Variants in GAS2L1 observed in about 807,000 individuals in gnomAD.
GAS2L1 encodes the protein growth arrest specific 2 like 1.
In GAS2L1, 26 loss-of-function variants were observed where a neutral mutation model predicts 44.0. That is an observed-to-expected ratio of 0.59 (90% CI 0.43 to 0.82). GAS2L1 has a LOEUF of 0.82. Among genes scored for constraint, GAS2L1 ranks in the 40% least tolerant of loss-of-function variants. GAS2L1 has a pLI of 0.00. For missense variants in GAS2L1, 1,006 were observed against 983.0 expected (o/e 1.02, Z -0.31); for synonymous variants, 426 against 415.9 (o/e 1.02, Z -0.30).
exon 5 of GAS2L1, chr22:29,312,392 C>T (rs371087415): frequency 3.1e-5 from 49 of 1,585,876 alleles, no homozygotes; most frequent in Non-Finnish European, 3.9e-5. Flanking sequence ...CCTCACGTAT[C>T]CCCACGCCTC....
chr22:29,308,590 A>G (rs1397534554), exon 1 of GAS2L1: 1 of 1,599,544 alleles, frequency 6.3e-7, no homozygotes, highest in Middle Eastern at 1.7e-4. Context: ...CAGTTTGAGC[A>G]GGAGATTGAG....
intron 1 of GAS2L1, among the ~76,000 whole-genome samples, chr22:29,309,621 G>A (rs2147898000): frequency 6.6e-6 from 1 of 152,232 alleles, no homozygotes; most frequent in East Asian, 1.9e-4. Context: ...GCTTGGCAGC[G>A]CTCTGGCTCT....
At chr22:29,306,792 A>T (rs1001630912), upstream of GAS2L1, 1 of 152,242 alleles carries the variant, frequency 6.6e-6, no homozygotes, top group Non-Finnish European at 1.5e-5. Context: ...CCCGGGTACT[A>T]GGCTGGGTGG....
At chr22:29,309,998 C>T (rs1027895258) in intron 1 of GAS2L1, among the ~76,000 whole-genome samples, 6 of 152,060 alleles carry the variant, frequency 3.9e-5, no homozygotes, top group African/African-American at 9.7e-5. Context: ...CGTGGTGGCT[C>T]GCACCTGTAA....
upstream of GAS2L1, chr22:29,307,046 G>GGCGC (rs1569137546): frequency 6.6e-6 from 1 of 151,656 alleles, no homozygotes; most frequent in East Asian, 1.9e-4. Context: ...AGGAGGCCGC[G>GGCGC]GCGCGGGACG....
chr22:29,312,164 C>A, exon 5 of GAS2L1: 1 of 1,613,076 alleles, frequency 6.2e-7, no homozygotes, highest in South Asian at 1.1e-5. Context: ...CGTCCCTCAG[C>A]GTCCTGGGTG....
chr22:29,311,342 G>A, intron 4 of GAS2L1, 120 bp from the exon 6 acceptor site: 1 of 598,642 alleles, frequency 1.7e-6, no homozygotes. Context: ...CCCCAGGACA[G>A]ACCGATGCCC....
At position 29,312,645 on chromosome 22, in the gene GAS2L1, C is replaced by T. The variant is rs2061423737; in HGVS notation, c.*148C>T. 5 of 492,348 alleles carry T rather than the reference C, an allele frequency of 1.0e-5. No homozygotes were observed. In the South Asian group the frequency reaches 2.3e-4, roughly 23 times the overall value. The allele number at this position is 492,348 out of a possible 1,614,324, so 30.5% of individuals were successfully genotyped here. ...GGGACCACATGGCACAATGGGACCT[C>T]TGTTGTACATTCCGGTTGGGGGATG... On this transcript the variant is annotated 3_prime_UTR_variant, in exon 5 of 5. Coordinates refer to ENST00000618518, the Ensembl canonical transcript of GAS2L1.
At chr22:29,311,727 T>G in exon 5 of GAS2L1, 1 of 1,531,778 alleles carries the variant, frequency 6.5e-7, no homozygotes. Context: ...AGCCCAGCTG[T>G]CGGTCCCCAG....
At chr22:29,310,722 T>C in exon 3 of GAS2L1, 2 of 1,609,286 alleles carry the variant, frequency 1.2e-6, no homozygotes, top group Non-Finnish European at 1.7e-6. Flanking sequence ...CCCGTGCCGC[T>C]GCTCCTCCAC....
Position 29,310,762 on chromosome 22 carries a change from G to C in GAS2L1, c.838+28G>C, listed in dbSNP as rs373123433. On this transcript the variant is annotated intron_variant, in intron 3 of 4. Coordinates refer to ENST00000618518, the Ensembl canonical transcript of GAS2L1. ...CAGTGCCAGGGTGGGGCTGGGGCTG[G>C]ACGGGCAGGGGACTTGCTTCTGTGG... The C allele has an allele frequency of 1.7e-5, 27 of 1,605,504 alleles. No individual in the cohort carries two copies. In the African/African-American group the frequency reaches 3.2e-4, roughly 19 times the overall value.
Position 29,309,339 on chromosome 22 carries a change from C to A in GAS2L1, c.633+601C>A, listed in dbSNP as rs548548687. Among the ~76,000 whole-genome samples, 108 of 152,338 alleles carry A rather than the reference C, an allele frequency of 7.1e-4. 2 individuals are homozygous for A. Among genetic ancestry groups the A allele is most frequent in the African/African-American group, 2.5e-3 (106 of 41,584 alleles). On this transcript the variant is annotated intron_variant, in intron 1 of 4. Transcript: ENST00000618518. ...GGATTCGTTCTACTCTAAGCATAGG[C>A]GTTGCTGGGCCCTGCCCCCAAGTCT...
chr22:29,308,758 G>C lies in GAS2L1; in HGVS notation c.633+20G>C. ...GAGCTGGTGAGTCCCCCAGCACCAG[G>C]TGCCAGGGACCCGACAGCACAGCCA... On this transcript the variant is annotated intron_variant, in intron 1 of 4. Transcript: ENST00000618518. The C allele has an allele frequency of 6.8e-7, 1 of 1,477,214 alleles. No homozygotes were observed. The highest frequency in any genetic ancestry group is 8.9e-7 in the Non-Finnish European group (1 of 1,119,880). 91.5% of individuals were successfully genotyped at this position (1,477,214 alleles called of 1,614,324 possible). A position where few individuals can be genotyped will look rare whatever the true frequency, so the allele number is the denominator to read the frequency against.
At chr22:29,312,428 C>G in exon 5 of GAS2L1, 1 of 1,545,838 alleles carries the variant, frequency 6.5e-7, no homozygotes, top group Non-Finnish European at 8.7e-7. Context: ...CCTCCGGACC[C>G]GCAGAGCTGG....
chr22:29,311,684 C>A (rs750302547), exon 5 of GAS2L1: 1 of 1,518,338 alleles, frequency 6.6e-7, no homozygotes. Context: ...GGCTGGATCG[C>A]GGCCGGCCCC....
At chr22:29,312,266 C>T (rs781341311) in exon 5 of GAS2L1, 1 of 1,611,658 alleles carries the variant, frequency 6.2e-7, no homozygotes, top group Non-Finnish European at 8.5e-7. Context: ...CCGATGAAGG[C>T]AGCCCCTGCC....
chr22:29,311,961 C>T (rs573703880), exon 5 of GAS2L1: 6 of 1,608,208 alleles, frequency 3.7e-6, no homozygotes, highest in South Asian at 3.3e-5. Context: ...CAGCATCTTC[C>T]GCACACCCCT....
At chr22:29,311,874 C>T in exon 5 of GAS2L1, 1 of 1,597,478 alleles carries the variant, frequency 6.3e-7, no homozygotes, top group Non-Finnish European at 8.5e-7. Flanking sequence ...CCCCCAGACT[C>T]CCCGTGCCCG....
chr22:29,312,308 G>A, exon 5 of GAS2L1: 1 of 1,608,320 alleles, frequency 6.2e-7, no homozygotes, highest in East Asian at 2.2e-5. Flanking sequence ...ATGCACCTGG[G>A]AGCCCCCTGG....
Sources: allele counts gnomAD v4.1 joint callset (sites outside exome capture counted in the v4.1 genomes callset), GRCh38; gene constraint gnomAD v4.1.1; transcripts MANE v1.5; gene names NCBI Gene and HGNC (gene_info 2026-07-23, HGNC 2026-07-21).